ANAPC10: variants seen among roughly 807,000 people sequenced by gnomAD.
The protein encoded by ANAPC10 is anaphase promoting complex subunit 10.
A neutral mutation model predicts 22.0 loss-of-function variants in ANAPC10; 12 were observed. The observed-to-expected ratio is 0.55, with a 90% CI of 0.35 to 0.88. The LOEUF (loss-of-function observed/expected upper bound fraction) is 0.88, where lower values mean the gene tolerates loss of function less well. ANAPC10 is among the 40% of genes least tolerant of loss of function. The pLI, the probability that ANAPC10 is intolerant of heterozygous loss-of-function variation, is 0.01. For missense variants in ANAPC10, 188 were observed against 220.9 expected, an observed-to-expected ratio of 0.85 and a Z score of 0.94; for synonymous variants, 65 against 69.5, an observed-to-expected ratio of 0.94 and a Z score of 0.32.
chr4:145,061,006 C>T (rs906426539), intron 4 of ANAPC10, among the ~76,000 whole-genome samples: 1 of 152,004 alleles, frequency 6.6e-6, no homozygotes, highest in Admixed American at 6.5e-5. Flanking sequence ...CAATTTAAAG[C>T]AACATCCAAA....
At chr4:145,079,651 G>A (rs567683807) in intron 3 of ANAPC10, among the ~76,000 whole-genome samples, 3 of 152,112 alleles carry the variant, frequency 2.0e-5, no homozygotes, top group Non-Finnish European at 4.4e-5. Context: ...CAGTGGACTG[G>A]ATAAAGAAAA....
chr4:145,030,399 G>A (rs1737381389), intron 4 of ANAPC10, among the ~76,000 whole-genome samples: 1 of 152,146 alleles, frequency 6.6e-6, no homozygotes, highest in African/African-American at 2.4e-5. Flanking sequence ...GAAGACCTCT[G>A]GCCTTGTACC....
At chr4:145,049,201 T>A (rs950076534) in intron 4 of ANAPC10, among the ~76,000 whole-genome samples, 1 of 152,214 alleles carries the variant, frequency 6.6e-6, no homozygotes, top group African/African-American at 2.4e-5. Flanking sequence ...AGGCAGAGTA[T>A]CTCACCTTAA....
intron 4 of ANAPC10, among the ~76,000 whole-genome samples, chr4:145,006,376 A>G (rs1448521892): frequency 2.0e-5 from 3 of 152,090 alleles, no homozygotes; most frequent in Non-Finnish European, 4.4e-5. Context: ...CCTTCAGACT[A>G]TGGGTATCAT....
At chr4:145,011,168 C>T (rs1034590768) in intron 4 of ANAPC10, among the ~76,000 whole-genome samples, 2 of 151,740 alleles carry the variant, frequency 1.3e-5, no homozygotes, top group Admixed American at 1.3e-4. Context: ...CCCATCTCTA[C>T]TAAAAATACA....
chr4:145,035,328 G>T (rs77705730), intron 4 of ANAPC10: 1 of 152,188 alleles, frequency 6.6e-6, no homozygotes, highest in Non-Finnish European at 1.5e-5. Flanking sequence ...AAGAATATAC[G>T]AGTAGCTGTG....
intron 4 of ANAPC10, among the ~76,000 whole-genome samples, chr4:145,037,315 C>A (rs2127104634): frequency 6.6e-6 from 1 of 152,128 alleles, no homozygotes; most frequent in African/African-American, 2.4e-5. Flanking sequence ...AGACTGTTCA[C>A]ATGTATGAGT....
At chr4:145,064,519 C>T (rs895661070) in intron 4 of ANAPC10, 53 bp downstream of exon 4, 4 of 1,457,954 alleles carry the variant, frequency 2.7e-6, no homozygotes, top group Non-Finnish European at 3.8e-6. Context: ...TGACTATCTT[C>T]TAATGAGTAA....
chr4:144,998,249 A>C (rs1192977228), intron 4 of ANAPC10, among the ~76,000 whole-genome samples: 3 of 152,190 alleles, frequency 2.0e-5, no homozygotes, highest in African/African-American at 7.2e-5. Flanking sequence ...CATCCACAGA[A>C]CTTTCCACCC....
At chr4:145,043,276 A>G (rs1220374615) in intron 4 of ANAPC10, among the ~76,000 whole-genome samples, 1 of 151,846 alleles carries the variant, frequency 6.6e-6, no homozygotes, top group African/African-American at 2.4e-5. Context: ...TATTTTGACT[A>G]AAAAACAATT....
intron 3 of ANAPC10, among the ~76,000 whole-genome samples, chr4:145,076,398 G>A (rs1423293221): frequency 6.6e-6 from 1 of 152,176 alleles, no homozygotes; most frequent in East Asian, 1.9e-4. Flanking sequence ...TTGTACCACA[G>A]TAAAACCCTC....
At chr4:145,087,329 C>G (rs1388252033) in intron 2 of ANAPC10, among the ~76,000 whole-genome samples, 1 of 152,176 alleles carries the variant, frequency 6.6e-6, no homozygotes, top group African/African-American at 2.4e-5. Context: ...TCTATTAACA[C>G]AACTACTTTC....
intron 4 of ANAPC10, among the ~76,000 whole-genome samples, chr4:145,003,391 A>C (rs1306639247): frequency 6.6e-6 from 1 of 152,198 alleles, no homozygotes; most frequent in Non-Finnish European, 1.5e-5. Flanking sequence ...TTGGGTATAT[A>C]CCGAATAATG....
At chr4:145,087,825 T>C (rs751729861) in intron 2 of ANAPC10, among the ~76,000 whole-genome samples, 9 of 152,148 alleles carry the variant, frequency 5.9e-5, no homozygotes, top group Non-Finnish European at 1.0e-4. Context: ...GGTGGGCGGA[T>C]CACTTGAGGT....
rs36111034 is a variant in ANAPC10, at chr4:144,994,855, C to A, written c.*518G>T. 1 of 152,724 alleles carries A rather than the reference C, an allele frequency of 6.5e-6. No homozygotes were observed. Among genetic ancestry groups the A allele is most frequent in the Admixed American group, 6.5e-5 (1 of 15,302 alleles). The allele number at this position is 152,724 out of a possible 1,614,324, so 9.5% of individuals were successfully genotyped here. A position where few individuals can be genotyped will look rare whatever the true frequency, so the allele number is the denominator to read the frequency against. Reference sequence around the variant, plus strand: ...CCATATTAGATTGGTTCTCATCAGACAACCTAACACTAAGCTTATTTGACA... The same window carrying A: ...CCATATTAGATTGGTTCTCATCAGAAAACCTAACACTAAGCTTATTTGACA... On this transcript the variant is annotated 3_prime_UTR_variant, in exon 5 of 5. Transcript: ENST00000507656.
intron 4 of ANAPC10, among the ~76,000 whole-genome samples, chr4:145,058,825 A>G (rs1247315157): frequency 6.6e-6 from 1 of 152,180 alleles, no homozygotes; most frequent in Admixed American, 6.5e-5. Context: ...GAAATAAGTG[A>G]TGCATACAAT....
intron 4 of ANAPC10, among the ~76,000 whole-genome samples, chr4:144,998,855 T>C (rs1732048770): frequency 6.6e-6 from 1 of 151,696 alleles, no homozygotes; most frequent in African/African-American, 2.4e-5. Context: ...ATCAACAAAA[T>C]TGATAGACCG....
chr4:145,005,820 G>C (rs140483848), intron 4 of ANAPC10, among the ~76,000 whole-genome samples: 124 of 150,480 alleles, frequency 8.2e-4, no homozygotes, highest in African/African-American at 2.9e-3. Flanking sequence ...GTAGTCTAAG[G>C]ACATGGTTTG....
chr4:145,029,901 T>C (rs1737301439), intron 4 of ANAPC10, among the ~76,000 whole-genome samples: 1 of 152,164 alleles, frequency 6.6e-6, no homozygotes, highest in African/African-American at 2.4e-5. Context: ...TGAAGAGCCC[T>C]ATAATTGCTC....
Sources: allele counts gnomAD v4.1 joint callset (sites outside exome capture counted in the v4.1 genomes callset), GRCh38; gene constraint gnomAD v4.1.1; transcripts MANE v1.5; gene names NCBI Gene and HGNC (gene_info 2026-07-23, HGNC 2026-07-21).